The following SUSD4 variants were observed in gnomAD, a reference collection of about 807,000 sequenced individuals.
The protein encoded by SUSD4 is sushi domain containing 4.
A neutral mutation model predicts 50.5 loss-of-function variants in SUSD4; 41 were observed. The observed-to-expected ratio is 0.81, with a 90% CI of 0.63 to 1.05. The LOEUF is 1.05. Among genes scored for constraint, SUSD4 ranks in the 50% least tolerant of loss-of-function variants. The pLI, the probability that SUSD4 is intolerant of heterozygous loss-of-function variation, is 0.00. For synonymous variants in SUSD4, 257 were observed against 257.3 expected (o/e 1.00, Z 0.01); for missense variants, 580 against 634.7 (o/e 0.91, Z 0.93).
intron 2 of SUSD4, among the ~76,000 whole-genome samples, chr1:223,298,952 G>A (rs186814247): frequency 1.1e-4 from 17 of 152,304 alleles, no homozygotes; most frequent in African/African-American, 1.9e-4. Flanking sequence ...GGCTCCAGCC[G>A]TCGGCACAGA....
chr1:223,346,277 C>T (rs1668030320), intron 2 of SUSD4, among the ~76,000 whole-genome samples: 1 of 152,106 alleles, frequency 6.6e-6, no homozygotes. Context: ...CTCCTCCGTT[C>T]AGAAACTCTC....
chr1:223,222,603 C>T (rs1659203384), intron 8 of SUSD4, among the ~76,000 whole-genome samples: 1 of 152,212 alleles, frequency 6.6e-6, no homozygotes, highest in Non-Finnish European at 1.5e-5. Flanking sequence ...GCCATTTACT[C>T]TCAATATAAG....
chr1:223,295,358 G>A (rs1486041598), intron 2 of SUSD4, among the ~76,000 whole-genome samples: 1 of 152,210 alleles, frequency 6.6e-6, no homozygotes, highest in Non-Finnish European at 1.5e-5. Context: ...TAATCTGGAC[G>A]TTTCTGGCTA....
At chr1:223,360,296 TC>T in intron 2 of SUSD4, 1 of 467,418 alleles carries the variant, frequency 2.1e-6, no homozygotes, top group Non-Finnish European at 4.4e-6. Context: ...GCCCAGCAGG[TC>T]TCTGGTCAAG....
rs757636773 is a variant in SUSD4 at position 223,222,171 on chromosome 1, T to C, written c.*21A>G. 1.9e-6 allele frequency: 3 copies of C among 1,611,674 alleles called. No homozygotes were observed. The highest frequency in any genetic ancestry group is 2.2e-5 in the East Asian group (1 of 44,752). The stretch of plus-strand genomic sequence containing the variant: ...TCCTTTCCCCGAAGGAGCAGGAGAG[T>C]CATCTGGATCTTGACCCATATTAGG... On this transcript the variant is annotated 3_prime_UTR_variant, in exon 9 of 9. Transcript: ENST00000366878.
chr1:223,256,278 A>G (rs851199), intron 5 of SUSD4, among the ~76,000 whole-genome samples: 20,778 of 152,154 alleles, frequency 0.14, 2,090 homozygotes, highest in African/African-American at 0.28. Context: ...AAGGCAGTGC[A>G]GTACAGGAGA....
At chr1:223,347,386 C>T (rs193163292) in intron 2 of SUSD4, among the ~76,000 whole-genome samples, 101 of 152,282 alleles carry the variant, frequency 6.6e-4, no homozygotes, top group Middle Eastern at 3.4e-3. Flanking sequence ...CCAGTGCAGA[C>T]GTCTTTCAAG....
intron 2 of SUSD4, among the ~76,000 whole-genome samples, chr1:223,351,579 T>C (rs1668367910): frequency 6.6e-6 from 1 of 151,788 alleles, no homozygotes; most frequent in Admixed American, 6.6e-5. Flanking sequence ...GGCAGTGAGA[T>C]GGAAGCTGAC....
intron 5 of SUSD4, among the ~76,000 whole-genome samples, chr1:223,236,771 T>G (rs1660251829): frequency 6.6e-6 from 1 of 152,150 alleles, no homozygotes; most frequent in South Asian, 2.1e-4. Context: ...ATGATAAGTC[T>G]TGAGGTCAGG....
intron 2 of SUSD4, among the ~76,000 whole-genome samples, chr1:223,317,009 G>A (rs9442042): frequency 0.18 from 27,388 of 152,148 alleles, 3,000 homozygotes; most frequent in Non-Finnish European, 0.25. Context: ...AGTGTCAGAG[G>A]TATGTGAACC....
At chr1:223,247,421 T>G (rs1207279360) in intron 5 of SUSD4, among the ~76,000 whole-genome samples, 1 of 152,150 alleles carries the variant, frequency 6.6e-6, no homozygotes, top group African/African-American at 2.4e-5. Context: ...CCTGAATGAC[T>G]GGGTGGAGAA....
At chr1:223,252,336 C>T (rs570391363) in intron 5 of SUSD4, among the ~76,000 whole-genome samples, 7 of 151,004 alleles carry the variant, frequency 4.6e-5, no homozygotes, top group African/African-American at 9.8e-5. Context: ...ATGTGATGAC[C>T]GAGGCAGAGG....
At chr1:223,270,757 T>C (rs1488786465) in intron 3 of SUSD4, among the ~76,000 whole-genome samples, 3 of 152,040 alleles carry the variant, frequency 2.0e-5, no homozygotes, top group Non-Finnish European at 4.4e-5. Context: ...TTAGTAGAGA[T>C]GGAGTTTCAC....
chr1:223,302,690 G>A (rs990598394), intron 2 of SUSD4, among the ~76,000 whole-genome samples: 10 of 152,128 alleles, frequency 6.6e-5, no homozygotes, highest in East Asian at 1.9e-4. Context: ...TGACTAACCC[G>A]GACCCCAGGG....
intron 2 of SUSD4, among the ~76,000 whole-genome samples, chr1:223,347,334 A>T (rs1668088516): frequency 6.6e-6 from 1 of 152,192 alleles, no homozygotes; most frequent in African/African-American, 2.4e-5. Context: ...TGTACCCATT[A>T]ACCATCCGCA....
intron 5 of SUSD4, among the ~76,000 whole-genome samples, chr1:223,254,460 G>A (rs1296950598): frequency 6.6e-6 from 1 of 152,188 alleles, no homozygotes; most frequent in East Asian, 1.9e-4. Context: ...CTAAAAGGAA[G>A]GCAAGGTGCT....
At chr1:223,305,487 C>A (rs1665480146) in intron 2 of SUSD4, among the ~76,000 whole-genome samples, 1 of 152,132 alleles carries the variant, frequency 6.6e-6, no homozygotes, top group Non-Finnish European at 1.5e-5. Context: ...CAAAGAAAAT[C>A]AAAGGTTCCC....
upstream of SUSD4, among the ~76,000 whole-genome samples, chr1:223,364,372 G>T (rs934944934): frequency 3.4e-5 from 5 of 147,504 alleles, no homozygotes; most frequent in African/African-American, 4.9e-5. The surrounding 1 kb of genome is among the most constrained non-coding windows in gnomAD (Gnocchi z 4.5). Context: ...GGGTGAGTGG[G>T]GGGGCGGGGA....
chr1:223,324,539 C>G (rs1238401856), intron 2 of SUSD4, among the ~76,000 whole-genome samples: 1 of 151,928 alleles, frequency 6.6e-6, no homozygotes, highest in Non-Finnish European at 1.5e-5. Flanking sequence ...TTCCACAGAA[C>G]TTACCACTCC....
Sources: gnomAD v4.1 joint callset for allele counts (sites outside exome capture counted in the v4.1 genomes callset) on GRCh38, gnomAD v4.1.1 for gene constraint, Gnocchi (gnomAD v3.1) non-coding constraint, MANE v1.5 for transcripts, NCBI Gene and HGNC (gene_info 2026-07-23, HGNC 2026-07-21) for gene names.